The following EPHB2 variants were observed in gnomAD, a reference collection of about 807,000 sequenced individuals.
EPHB2 encodes ephrin type-B receptor 2.
A neutral mutation model predicts 96.4 loss-of-function variants in EPHB2; 18 were observed. The ratio of observed to expected loss-of-function variants is 0.19; its 90% CI spans 0.13 to 0.28. The LOEUF is 0.28. Ranked by LOEUF, EPHB2 falls within the 10% of genes least tolerant of loss-of-function variation. The pLI is 1.00. For synonymous variants in EPHB2, 506 were observed against 534.1 expected (o/e 0.95, Z 0.72); for missense variants, 989 against 1,355.4 (o/e 0.73, Z 4.25).
At chr1:22,817,313 C>T (rs756810870) in intron 3 of EPHB2, among the ~76,000 whole-genome samples, 5 of 152,320 alleles carry the variant, frequency 3.3e-5, no homozygotes, top group East Asian at 3.9e-4. Context: ...CTCATAACCA[C>T]GCTCTGAAGC....
intron 1 of EPHB2, among the ~76,000 whole-genome samples, chr1:22,724,771 G>A (rs72653622): frequency 0.01 from 1,565 of 152,282 alleles, 16 homozygotes; most frequent in Non-Finnish European, 0.015. Context: ...TAGGAATCAA[G>A]GGGGAATTAT....
intron 2 of EPHB2, among the ~76,000 whole-genome samples, chr1:22,783,388 C>T (rs764499910): frequency 8.5e-5 from 13 of 152,140 alleles, no homozygotes; most frequent in Non-Finnish European, 1.9e-4. Context: ...AAAGGGGGCA[C>T]GGGAGAAGGA....
chr1:22,739,543 G>A (rs1445025174), intron 1 of EPHB2, among the ~76,000 whole-genome samples: 2 of 152,134 alleles, frequency 1.3e-5, no homozygotes, highest in Non-Finnish European at 2.9e-5. Context: ...TCTAGACTTA[G>A]CTCTGCCACC....
At chr1:22,821,111 C>T (rs545444611) in intron 3 of EPHB2, among the ~76,000 whole-genome samples, 35 of 152,286 alleles carry the variant, frequency 2.3e-4, no homozygotes, top group Admixed American at 1.4e-3. Context: ...GGCTGCTAAC[C>T]CTCCAACCAT....
intron 3 of EPHB2, among the ~76,000 whole-genome samples, chr1:22,817,941 G>C (rs532281327): frequency 6.6e-6 from 1 of 152,174 alleles, no homozygotes; most frequent in African/African-American, 2.4e-5. Flanking sequence ...AGAGGTCAGC[G>C]TATAAGCTGT....
chr1:22,836,164 C>G (rs1017283449), intron 3 of EPHB2, among the ~76,000 whole-genome samples: 1 of 152,234 alleles, frequency 6.6e-6, no homozygotes, highest in African/African-American at 2.4e-5. Context: ...TCCAGCGTAG[C>G]CGCTTTTGAT....
chr1:22,813,978 C>T (rs1288839651), intron 3 of EPHB2, among the ~76,000 whole-genome samples: 1 of 152,098 alleles, frequency 6.6e-6, no homozygotes, highest in Non-Finnish European at 1.5e-5. Flanking sequence ...GGTTCAAGAC[C>T]AGCCGGCCAA....
intron 1 of EPHB2, among the ~76,000 whole-genome samples, chr1:22,711,815 C>T (rs746792484): frequency 2.0e-5 from 3 of 152,168 alleles, no homozygotes; most frequent in Non-Finnish European, 4.4e-5. Context: ...CATGTGTTGG[C>T]CTTGGCCAGG....
intron 5 of EPHB2, among the ~76,000 whole-genome samples, chr1:22,876,762 T>C (rs115087721): frequency 0.024 from 3,586 of 152,218 alleles, 136 homozygotes; most frequent in African/African-American, 0.082. Context: ...ATCCAGCTGT[T>C]CCCTTTTCTC....
In EPHB2 at chr1:22,846,885, C is replaced by T. The variant is rs1557709679; in HGVS notation, c.812-16152C>T. 6.6e-6 allele frequency among the ~76,000 whole-genome samples: 1 copy of T among 152,210 alleles called. No homozygotes were observed. The highest frequency in any genetic ancestry group is 1.5e-5 in the Non-Finnish European group (1 of 68,038). ...GGCTTCCCCAGACATTGTTTGGAAA[C>T]TGCTTACTGACCGGGGCATCTTCCC... On this transcript the variant is annotated intron_variant, in intron 3 of 15. Coordinates refer to ENST00000374630, the MANE Select transcript of EPHB2 (RefSeq NM_017449.5). This position sits in a 1 kb window ranked among gnomAD's most constrained non-coding sequence, Gnocchi z 4.3.
chr1:22,781,450 G>A lies in EPHB2; in HGVS notation c.91G>A (p.Ala31Thr), dbSNP rs141486320. 12 of 1,614,012 alleles carry A rather than the reference G, an allele frequency of 7.4e-6. No individual in the cohort carries two copies. The African/African-American group carries it at 1.3e-4, about 18-fold the overall frequency. Reference protein sequence around the residue: ...ETLMDSTTATAELGWMVHPPS... With the variant: ...ETLMDSTTATTELGWMVHPPS... The stretch of plus-strand genomic sequence containing the variant: ...GCTAATGGACTCCACTACAGCGACT[G>A]CTGAGCTGGGCTGGATGGTGCATCC... The change falls in exon 2 of 16, where the codon GCT becomes ACT. Residue 31 changes from alanine to threonine, a missense_variant. Coordinates refer to ENST00000374630, the MANE Select transcript of EPHB2 (RefSeq NM_017449.5).
At chr1:22,867,685 A>G (rs1486987517) in intron 5 of EPHB2, among the ~76,000 whole-genome samples, 1 of 152,174 alleles carries the variant, frequency 6.6e-6, no homozygotes. Flanking sequence ...CAGCCTGGAA[A>G]ACATGGTGAA....
intron 3 of EPHB2, among the ~76,000 whole-genome samples, chr1:22,816,336 G>A (rs866619542): frequency 6.6e-6 from 1 of 152,150 alleles, no homozygotes; most frequent in African/African-American, 2.4e-5. Context: ...TGGTTGACCA[G>A]GATGTCTGTT....
chr1:22,793,321 C>T (rs192903535), intron 3 of EPHB2, among the ~76,000 whole-genome samples: 20 of 152,230 alleles, frequency 1.3e-4, no homozygotes, highest in Admixed American at 1.0e-3. Context: ...TACCGTCCCT[C>T]GGGCTGCCAG....
chr1:22,817,940 C>T (rs1299150901), intron 3 of EPHB2, among the ~76,000 whole-genome samples: 3 of 152,156 alleles, frequency 2.0e-5, no homozygotes, highest in Non-Finnish European at 4.4e-5. Context: ...CAGAGGTCAG[C>T]GTATAAGCTG....
intron 1 of EPHB2, among the ~76,000 whole-genome samples, chr1:22,756,808 A>G (rs1288036878): frequency 6.6e-6 from 1 of 151,816 alleles, no homozygotes; most frequent in Non-Finnish European, 1.5e-5. Flanking sequence ...CTTAGATATG[A>G]GGAGGCTGTA....
intron 3 of EPHB2, among the ~76,000 whole-genome samples, chr1:22,816,455 G>C (rs1364645941): frequency 6.6e-6 from 1 of 152,046 alleles, no homozygotes; most frequent in Non-Finnish European, 1.5e-5. Context: ...AAGCCCATTG[G>C]CCCAACTCCC....
intron 13 of EPHB2, 89 bp downstream of exon 13, chr1:22,909,260 A>G (rs1640013991): frequency 1.3e-6 from 2 of 1,598,186 alleles, no homozygotes; most frequent in East Asian, 2.2e-5. Flanking sequence ...CCAGTCTCCC[A>G]GAGTGTGGGA....
intron 5 of EPHB2, among the ~76,000 whole-genome samples, chr1:22,866,037 T>C (rs1283696303): frequency 6.6e-6 from 1 of 151,746 alleles, no homozygotes; most frequent in Non-Finnish European, 1.5e-5. Context: ...TAGCCTCCCC[T>C]CTCTACCAGG....
Sources: allele counts gnomAD v4.1 joint callset (sites outside exome capture counted in the v4.1 genomes callset), GRCh38; gene constraint gnomAD v4.1.1; non-coding constraint Gnocchi (gnomAD v3.1); transcripts MANE v1.5; gene names NCBI Gene and HGNC (gene_info 2026-07-23, HGNC 2026-07-21).